The following TNIK variants were observed in gnomAD, a reference collection of about 807,000 sequenced individuals.
TNIK encodes the protein TRAF2 and NCK interacting kinase.
In TNIK, 49 loss-of-function variants were observed where a neutral mutation model predicts 191.3. The ratio of observed to expected loss-of-function variants is 0.26; its 90% CI spans 0.20 to 0.32. The LOEUF is 0.32. TNIK is among the 10% of genes least tolerant of loss of function. TNIK has a pLI of 1.00. For synonymous variants in TNIK, 594 were observed against 600.9 expected, an observed-to-expected ratio of 0.99 and a Z score of 0.17; for missense variants, 1,155 against 1,702.3, an observed-to-expected ratio of 0.68 and a Z score of 5.66.
intron 3 of TNIK, among the ~76,000 whole-genome samples, chr3:171,216,369 G>C (rs1741452685): frequency 6.6e-6 from 1 of 152,150 alleles, no homozygotes; most frequent in African/African-American, 2.4e-5. Flanking sequence ...AGTTGTTCTA[G>C]TGAATACAAA....
At chr3:171,421,081 C>T (rs1723734434) in intron 1 of TNIK, among the ~76,000 whole-genome samples, 1 of 152,216 alleles carries the variant, frequency 6.6e-6, no homozygotes, top group South Asian at 2.1e-4. Context: ...CCCTTTTGTA[C>T]TGCTTCCATC....
chr3:171,303,371 T>C (rs183847478), intron 2 of TNIK, among the ~76,000 whole-genome samples: 1 of 152,346 alleles, frequency 6.6e-6, no homozygotes, highest in African/African-American at 2.4e-5. Flanking sequence ...TAATAATCTA[T>C]GATATCTTCA....
chr3:171,134,618 T>C (rs1178179248), intron 15 of TNIK, among the ~76,000 whole-genome samples: 1 of 152,224 alleles, frequency 6.6e-6, no homozygotes, highest in Non-Finnish European at 1.5e-5. Flanking sequence ...GACATTCATA[T>C]TCTTTTAAAT....
At chr3:171,118,910 A>C (rs945100411) in intron 18 of TNIK, among the ~76,000 whole-genome samples, 10 of 152,368 alleles carry the variant, frequency 6.6e-5, no homozygotes, top group Admixed American at 5.2e-4. Context: ...CACCCAAAGC[A>C]ATGGCAACAA....
At chr3:171,396,463 C>T (rs1720268005) in intron 1 of TNIK, among the ~76,000 whole-genome samples, 1 of 152,152 alleles carries the variant, frequency 6.6e-6, no homozygotes, top group African/African-American at 2.4e-5. Flanking sequence ...CAGTTGGGTA[C>T]ACAATACGTA....
At position 171,380,723 on chromosome 3, in the gene TNIK, C is replaced by T. The variant is rs181560715; in HGVS notation, c.58-11038G>A. On this transcript the variant is annotated intron_variant, in intron 1 of 32. Transcript: ENST00000436636. ...CTTCTTTGCCCTTTGCAGAGGGAAC[C>T]TCTGATGAGGGCAAGAGTTGTGCAC... is the stretch of plus-strand genomic sequence containing the variant. 1.3e-4 allele frequency among the ~76,000 whole-genome samples: 20 copies of T among 152,394 alleles called. No individual in the cohort carries two copies. In the East Asian group the frequency reaches 2.7e-3, roughly 21 times the overall value.
chr3:171,322,292 TCAATA>T (rs1755246248), intron 2 of TNIK, among the ~76,000 whole-genome samples: 1 of 152,140 alleles, frequency 6.6e-6, no homozygotes, highest in Non-Finnish European at 1.5e-5. Context: ...TTTTTTTAGT[TCAATA>T]CATTACTAAT....
At chr3:171,423,004 C>G (rs1577880085) in intron 1 of TNIK, among the ~76,000 whole-genome samples, 1 of 152,142 alleles carries the variant, frequency 6.6e-6, no homozygotes. Context: ...GCTAAAATTA[C>G]AGGTATTTTA....
At chr3:171,095,655 G>T (rs186075562) in intron 22 of TNIK, among the ~76,000 whole-genome samples, 1 of 151,608 alleles carries the variant, frequency 6.6e-6, no homozygotes, top group Admixed American at 6.5e-5. Context: ...GATTTATGAT[G>T]TCTCTGGGGC....
Position 171,108,085 on chromosome 3 carries a change from T to A in TNIK, c.2362A>T (p.Thr788Ser). Residue 788 changes from threonine to serine, a missense_variant, in exon 20 of 33, where the codon ACC (threonine) becomes TCC (serine). By Grantham distance (58) the Thr-to-Ser change is moderately conservative (BLOSUM62 1). This residue lies in a region of TNIK where 735 missense variants were observed against 848.0 expected (regional missense o/e 0.87). Coordinates refer to ENST00000436636, the MANE Select transcript of TNIK (RefSeq NM_015028.4). ...CTCACAGCTGGTCGACTGGGCCGGG[T>A]AATGTCCCTGGATTCTTCTGGTTTC... The part of the protein sequence containing the change: ...KVKPEESRDI[T>S]RPSRPASYKK... The A allele has an allele frequency of 6.4e-7, 1 of 1,570,696 alleles. No individual in the cohort carries two copies. The highest frequency in any genetic ancestry group is 1.2e-5 in the South Asian group (1 of 85,178).
At chr3:171,359,220 C>T (rs1249945862) in intron 2 of TNIK, among the ~76,000 whole-genome samples, 1 of 152,106 alleles carries the variant, frequency 6.6e-6, no homozygotes, top group Non-Finnish European at 1.5e-5. Context: ...GAATGTGATG[C>T]ACAGATCAAA....
intron 18 of TNIK, among the ~76,000 whole-genome samples, chr3:171,111,765 G>A (rs181942042): frequency 1.3e-5 from 2 of 152,332 alleles, no homozygotes; most frequent in East Asian, 3.9e-4. Flanking sequence ...CAACCTAAGT[G>A]TGTGTCCACT....
intron 10 of TNIK, among the ~76,000 whole-genome samples, chr3:171,165,846 C>T (rs1198768745): frequency 2.0e-5 from 3 of 152,178 alleles, no homozygotes; most frequent in African/African-American, 4.8e-5. Context: ...CCCCCTCCTG[C>T]TGTCTACCCA....
intron 2 of TNIK, among the ~76,000 whole-genome samples, chr3:171,339,862 A>G (rs1253678552): frequency 6.6e-6 from 1 of 152,174 alleles, no homozygotes; most frequent in Admixed American, 6.5e-5. Flanking sequence ...ACACCAGCTC[A>G]TGGGCCGGTT....
chr3:171,290,282 G>C (rs772569705), intron 2 of TNIK, among the ~76,000 whole-genome samples: 1 of 152,180 alleles, frequency 6.6e-6, no homozygotes, highest in African/African-American at 2.4e-5. Context: ...ACATCTAACA[G>C]GAAGAAGTGT....
intron 2 of TNIK, among the ~76,000 whole-genome samples, chr3:171,351,487 T>C (rs1259599643): frequency 6.6e-6 from 1 of 152,178 alleles, no homozygotes; most frequent in Non-Finnish European, 1.5e-5. Context: ...GGTATTTTGA[T>C]TGGATGTTGT....
intron 2 of TNIK, among the ~76,000 whole-genome samples, chr3:171,261,006 C>T (rs1221675449): frequency 3.9e-5 from 6 of 152,164 alleles, no homozygotes; most frequent in Admixed American, 3.9e-4. Flanking sequence ...AAACCTATCA[C>T]CACTAGCAAC....
chr3:171,436,989 G>A (rs1726109717), intron 1 of TNIK, among the ~76,000 whole-genome samples: 1 of 152,162 alleles, frequency 6.6e-6, no homozygotes, highest in Admixed American at 6.6e-5. Context: ...AAGCACAGCG[G>A]CATCTGTGCC....
intron 28 of TNIK, 134 bp from the exon 29 acceptor site, chr3:171,071,457 T>G: frequency 1.4e-6 from 1 of 724,922 alleles, no homozygotes; most frequent in Non-Finnish European, 2.2e-6. Context: ...GAAGGTGATA[T>G]TCCTGGTGTG....
Sources: gnomAD v4.1 joint callset for allele counts (sites outside exome capture counted in the v4.1 genomes callset) on GRCh38, gnomAD v4.1.1 for gene constraint, gnomAD v4.1.1 regional missense constraint, MANE v1.5 for transcripts, NCBI Gene and HGNC (gene_info 2026-07-23, HGNC 2026-07-21) for gene names.